The following ADAMTS3 variants were observed in gnomAD, a reference collection of about 807,000 sequenced individuals.
ADAMTS3 encodes A disintegrin and metalloproteinase with thrombospondin motifs 3.
ADAMTS3 carries 73 observed loss-of-function variants against 129.0 expected under a neutral mutation model. The observed-to-expected ratio is 0.57, with a 90% CI of 0.47 to 0.69. The LOEUF (loss-of-function observed/expected upper bound fraction) is 0.69, where lower values mean the gene tolerates loss of function less well. ADAMTS3 is among the 30% of genes least tolerant of loss of function. ADAMTS3 has a pLI of 0.00. For synonymous variants in ADAMTS3, 477 were observed against 510.8 expected (o/e 0.93, Z 0.89); for missense variants, 1,457 against 1,514.5 (o/e 0.96, Z 0.63).
At chr4:72,456,509 G>C (rs2109978927) in intron 3 of ADAMTS3, among the ~76,000 whole-genome samples, 1 of 149,156 alleles carries the variant, frequency 6.7e-6, no homozygotes, top group Admixed American at 6.8e-5. Context: ...ATCCACCCAT[G>C]ATGATAGTAT....
At chr4:72,379,322 G>A (rs537933748) in intron 4 of ADAMTS3, among the ~76,000 whole-genome samples, 4 of 151,848 alleles carry the variant, frequency 2.6e-5, no homozygotes, top group Non-Finnish European at 5.9e-5. Flanking sequence ...AGGCCACAGG[G>A]GCAAGGCAAA....
intron 3 of ADAMTS3, among the ~76,000 whole-genome samples, chr4:72,459,551 A>G (rs977500772): frequency 3.3e-5 from 5 of 151,578 alleles, no homozygotes; most frequent in Admixed American, 1.3e-4. Context: ...CCAAAGCTTC[A>G]GTTCCACCAT....
chr4:72,519,979 T>C (rs1720615655), intron 3 of ADAMTS3, among the ~76,000 whole-genome samples: 1 of 151,986 alleles, frequency 6.6e-6, no homozygotes, highest in Non-Finnish European at 1.5e-5. Flanking sequence ...TTATCTACTT[T>C]TGGTCTTTGA....
At chr4:72,360,303 G>C (rs1409049376) in intron 4 of ADAMTS3, among the ~76,000 whole-genome samples, 1 of 151,998 alleles carries the variant, frequency 6.6e-6, no homozygotes, top group African/African-American at 2.4e-5. Context: ...ATCGAGCAAT[G>C]TCACAGTCTA....
At position 72,370,705 on chromosome 4, in the gene ADAMTS3, G is replaced by A. The variant is rs112341240; in HGVS notation, c.662-31012C>T. On this transcript the variant is annotated intron_variant, in intron 4 of 21. Coordinates refer to ENST00000286657, the MANE Select transcript of ADAMTS3 (RefSeq NM_014243.3). ...GCAGAGGTTGCAGTGAGCGGAGATCGCACCACTGCACTCCATCCTGGGTGA... is the reference window on the plus strand; with the variant it reads ...GCAGAGGTTGCAGTGAGCGGAGATCACACCACTGCACTCCATCCTGGGTGA... 1.2e-3 allele frequency among the ~76,000 whole-genome samples: 180 copies of A among 152,152 alleles called. 1 individual carries two copies. In the Middle Eastern group the frequency reaches 0.017, roughly 14 times the overall value.
chr4:72,408,903 C>T, intron 4 of ADAMTS3, among the ~76,000 whole-genome samples: 1 of 151,806 alleles, frequency 6.6e-6, no homozygotes, highest in Non-Finnish European at 1.5e-5. Context: ...ACATCACACA[C>T]CAGGGCCGGT....
At chr4:72,288,918 GCACATACACACACACA>G (rs1654887932) in intron 20 of ADAMTS3, 50 bp from the exon 21 acceptor site, 1 of 563,586 alleles carries the variant, frequency 1.8e-6, no homozygotes, top group African/African-American at 2.8e-5. Context: ...CCAAGACCAT[GCACATACACACACACA>G]CACACACACA....
chr4:72,370,049 A>T (rs1166583367), intron 4 of ADAMTS3, among the ~76,000 whole-genome samples: 1 of 152,160 alleles, frequency 6.6e-6, no homozygotes, highest in Non-Finnish European at 1.5e-5. Context: ...ATTTCAATCT[A>T]TTCCCATACA....
chr4:72,450,284 T>C lies in ADAMTS3; in HGVS notation c.505-35313A>G, dbSNP rs1718360336. Among the ~76,000 whole-genome samples the C allele has an allele frequency of 2.6e-5, 4 of 151,654 alleles. No homozygotes were observed. In the South Asian group the frequency reaches 8.3e-4, roughly 31 times the overall value. On this transcript the variant is annotated intron_variant, in intron 3 of 21. Coordinates refer to ENST00000286657, the MANE Select transcript of ADAMTS3 (RefSeq NM_014243.3). ...ATTTTTTTTCATTTCACAGATGCAC[T>C]GAACGGTACAATTGCCTTCGTGGTC...
intron 3 of ADAMTS3, among the ~76,000 whole-genome samples, chr4:72,527,454 C>T (rs1290711616): frequency 6.6e-6 from 1 of 152,160 alleles, no homozygotes; most frequent in Non-Finnish European, 1.5e-5. Flanking sequence ...CCTGCTTTTG[C>T]TCATTGTTGC....
chr4:72,527,582 C>G (rs1298214458), intron 3 of ADAMTS3, among the ~76,000 whole-genome samples: 1 of 152,102 alleles, frequency 6.6e-6, no homozygotes, highest in Admixed American at 6.5e-5. Context: ...TCCCAAGAAG[C>G]AGCGAGAGTA....
In ADAMTS3 at chr4:72,422,818, G is replaced by GGATATAGAGAGTTTCA. The variant is rs1722480301; in HGVS notation, c.505-7863_505-7848dup. Among the ~76,000 whole-genome samples, 3 of 152,146 alleles carry GGATATAGAGAGTTTCA rather than the reference G, an allele frequency of 2.0e-5. No homozygotes were observed. In the South Asian group the frequency reaches 6.2e-4, roughly 32 times the overall value. On this transcript the variant is annotated intron_variant, in intron 3 of 21. Transcript: ENST00000286657. ...ATGGCAAATGGGAACAAGGGGTGTG[G>GGATATAGAGAGTTTCA]GATATAGAGAGTTTCAGATGAGATA...
At chr4:72,457,067 A>G (rs1718642923) in intron 3 of ADAMTS3, among the ~76,000 whole-genome samples, 1 of 151,778 alleles carries the variant, frequency 6.6e-6, no homozygotes, top group Admixed American at 6.6e-5. Context: ...TATGATTAAA[A>G]TATCTTTTAG....
chr4:72,429,485 G>A (rs191086991), intron 3 of ADAMTS3, among the ~76,000 whole-genome samples: 4 of 152,092 alleles, frequency 2.6e-5, no homozygotes, highest in Middle Eastern at 3.4e-3. Flanking sequence ...TAAAGGAAAC[G>A]TAAAATCCAA....
chr4:72,464,145 C>T (rs1048082263), intron 3 of ADAMTS3, among the ~76,000 whole-genome samples: 3 of 152,160 alleles, frequency 2.0e-5, no homozygotes, highest in East Asian at 1.9e-4. Flanking sequence ...GCAAAACCTG[C>T]GTCACAGCTA....
At chr4:72,485,430 T>C (rs553463502) in intron 3 of ADAMTS3, among the ~76,000 whole-genome samples, 2 of 152,280 alleles carry the variant, frequency 1.3e-5, no homozygotes, top group Admixed American at 6.5e-5. Context: ...GATAAACATG[T>C]CTATTCTAAT....
chr4:72,408,872 C>T (rs992761517), intron 4 of ADAMTS3, among the ~76,000 whole-genome samples: 9 of 151,742 alleles, frequency 5.9e-5, no homozygotes, highest in Non-Finnish European at 1.0e-4. Flanking sequence ...ACAATAACAA[C>T]ACATGGACAC....
chr4:72,530,532 A>AT (rs1720990631), intron 3 of ADAMTS3, among the ~76,000 whole-genome samples: 1 of 86,628 alleles, frequency 1.2e-5, no homozygotes, highest in African/African-American at 4.8e-5. Flanking sequence ...ATATTAATTT[A>AT]ATATATATTA....
chr4:72,399,146 A>AT (rs1721808559), intron 4 of ADAMTS3, among the ~76,000 whole-genome samples: 1 of 152,090 alleles, frequency 6.6e-6, no homozygotes, highest in South Asian at 2.1e-4. Flanking sequence ...TGTTTAAGTT[A>AT]TTTTTCTGGC....
Sources: gnomAD v4.1 joint callset for allele counts (sites outside exome capture counted in the v4.1 genomes callset) on GRCh38, gnomAD v4.1.1 for gene constraint, MANE v1.5 for transcripts, NCBI Gene and HGNC (gene_info 2026-07-23, HGNC 2026-07-21) for gene names.